The following MED12L variants were observed in gnomAD, a reference collection of about 807,000 sequenced individuals.
The protein encoded by MED12L is mediator of RNA polymerase II transcription subunit 12-like protein.
MED12L carries 60 observed loss-of-function variants against 281.3 expected under a neutral mutation model. The ratio of observed to expected loss-of-function variants is 0.21; its 90% CI spans 0.17 to 0.26. MED12L has a LOEUF of 0.26. MED12L is among the 10% of genes least tolerant of loss of function. MED12L has a pLI of 1.00. For synonymous variants in MED12L, 974 were observed against 987.2 expected (o/e 0.99, Z 0.25); for missense variants, 2,146 against 2,680.9 (o/e 0.80, Z 4.41).
At chr3:151,362,839 G>A (rs539154680) in intron 21 of MED12L, among the ~76,000 whole-genome samples, 11 of 152,096 alleles carry the variant, frequency 7.2e-5, no homozygotes, top group African/African-American at 2.4e-4. Context: ...TATTTGAGTG[G>A]GTCTTAGGAA....
chr3:151,107,165 T>A (rs79576739), intron 2 of MED12L, among the ~76,000 whole-genome samples: 4,721 of 152,142 alleles, frequency 0.031, 264 homozygotes, highest in African/African-American at 0.11. Flanking sequence ...TTAGTTATAC[T>A]TATTTGTGTT....
At chr3:151,177,536 G>C (rs1398717585) in intron 11 of MED12L, among the ~76,000 whole-genome samples, 1 of 152,122 alleles carries the variant, frequency 6.6e-6, no homozygotes, top group East Asian at 1.9e-4. Context: ...TTGAGACAGG[G>C]TCTCACTGTC....
At chr3:151,431,476 A>G (rs1322682120) in intron 44 of MED12L, among the ~76,000 whole-genome samples, 1 of 152,168 alleles carries the variant, frequency 6.6e-6, no homozygotes, top group African/African-American at 2.4e-5. Flanking sequence ...TTCTTCTTTA[A>G]AAATATTTTC....
chr3:151,193,704 T>G, intron 16 of MED12L, 38 bp downstream of exon 16: 1 of 1,510,708 alleles, frequency 6.6e-7, no homozygotes, highest in Non-Finnish European at 9.1e-7. Flanking sequence ...CCCTGATTAT[T>G]TTATTATAAG....
At chr3:151,181,252 A>C (rs1483057286) in intron 11 of MED12L, among the ~76,000 whole-genome samples, 1 of 152,190 alleles carries the variant, frequency 6.6e-6, no homozygotes, top group Non-Finnish European at 1.5e-5. Context: ...TATATGCAAA[A>C]GTTTAAGTAA....
At chr3:151,295,816 AAAG>A (rs1162091874) in intron 16 of MED12L, among the ~76,000 whole-genome samples, 2 of 152,216 alleles carry the variant, frequency 1.3e-5, no homozygotes, top group African/African-American at 4.8e-5. Flanking sequence ...TTGTAAATAA[AAAG>A]AAAATCTACT....
chr3:151,328,165 A>C, intron 16 of MED12L: 1 of 1,613,262 alleles, frequency 6.2e-7, no homozygotes, highest in South Asian at 1.1e-5. Flanking sequence ...TTTCTTTAGC[A>C]ATAAACAGTT....
chr3:151,093,031 A>G (rs1720264330), intron 2 of MED12L, among the ~76,000 whole-genome samples: 1 of 152,194 alleles, frequency 6.6e-6, no homozygotes, highest in Admixed American at 6.5e-5. Context: ...CCGAATGTGA[A>G]AGATGCTTGT....
intron 16 of MED12L, among the ~76,000 whole-genome samples, chr3:151,319,952 A>G (rs1388588483): frequency 1.3e-5 from 2 of 152,206 alleles, no homozygotes; most frequent in Non-Finnish European, 2.9e-5. Flanking sequence ...AAGGAATTAA[A>G]ATAGGTAAGA....
intron 16 of MED12L, among the ~76,000 whole-genome samples, chr3:151,283,420 A>G (rs1447428046): frequency 7.9e-5 from 12 of 152,122 alleles, no homozygotes; most frequent in Middle Eastern, 3.4e-3. Context: ...TCTTTTCAGT[A>G]TTTTTTTTGG....
chr3:151,425,646 G>A (rs1718795502), intron 43 of MED12L: 2 of 456,446 alleles, frequency 4.4e-6, no homozygotes, highest in Non-Finnish European at 8.8e-6. Flanking sequence ...ATGTTGATTA[G>A]TTATACCTGA....
intron 5 of MED12L, among the ~76,000 whole-genome samples, chr3:151,134,075 C>T (rs1207780209): frequency 6.6e-6 from 1 of 152,080 alleles, no homozygotes; most frequent in Non-Finnish European, 1.5e-5. Flanking sequence ...GGATACGGTG[C>T]TAACTGCATT....
chr3:151,157,082 T>C lies in MED12L; in HGVS notation c.726+752T>C, dbSNP rs1370463139. On this transcript the variant is annotated intron_variant, in intron 6 of 44. Coordinates refer to ENST00000687756, the MANE Select transcript of MED12L (RefSeq NM_001393769.1). The stretch of plus-strand genomic sequence containing the variant: ...AGTTTTTAAGTCAGTAAAAATAAAT[T>C]CTAGTTCCATTTAGAAGAGGGACTA... Among the ~76,000 whole-genome samples, 4 of 152,162 alleles carry C rather than the reference T, an allele frequency of 2.6e-5. No homozygotes were observed. In the East Asian group the frequency reaches 7.7e-4, roughly 29 times the overall value.
chr3:151,419,561 C>T (rs1718007474), intron 43 of MED12L, among the ~76,000 whole-genome samples: 1 of 152,158 alleles, frequency 6.6e-6, no homozygotes, highest in Admixed American at 6.5e-5. Context: ...AACACCCTCA[C>T]AGACACACCG....
chr3:151,213,266 C>T (rs774736246), intron 16 of MED12L: 7 of 1,496,260 alleles, frequency 4.7e-6, no homozygotes, highest in Admixed American at 4.1e-5. Context: ...TGACAACATG[C>T]ACACGTGGTC....
chr3:151,132,197 C>T (rs946633811), intron 5 of MED12L, among the ~76,000 whole-genome samples: 1 of 152,126 alleles, frequency 6.6e-6, no homozygotes, highest in African/African-American at 2.4e-5. Flanking sequence ...CCCTAAGTTC[C>T]CAGGTCTACC....
chr3:151,354,983 G>A, intron 17 of MED12L, 138 bp from the exon 18 acceptor site: 1 of 685,414 alleles, frequency 1.5e-6, no homozygotes, highest in Non-Finnish European at 2.6e-6. Context: ...AAGTCTTATT[G>A]TGTATTTATT....
chr3:151,388,207 T>A (rs1306363970), intron 37 of MED12L, 35 bp downstream of exon 37: 1 of 1,550,758 alleles, frequency 6.4e-7, no homozygotes, highest in Non-Finnish European at 8.6e-7. Flanking sequence ...CTTGGCTCAT[T>A]AGCATTTAGT....
intron 16 of MED12L, chr3:151,212,443 C>T (rs1229564589): frequency 6.6e-6 from 1 of 152,086 alleles, no homozygotes; most frequent in East Asian, 1.9e-4. Context: ...CTTTCCCATT[C>T]GCCAGTAGAT....
Sources: gnomAD v4.1 joint callset for allele counts (sites outside exome capture counted in the v4.1 genomes callset) on GRCh38, gnomAD v4.1.1 for gene constraint, MANE v1.5 for transcripts, NCBI Gene and HGNC (gene_info 2026-07-23, HGNC 2026-07-21) for gene names.